The following SV2C variants were observed in gnomAD, a reference collection of about 807,000 sequenced individuals.
SV2C encodes the protein synaptic vesicle glycoprotein 2C.
Under a neutral mutation model 79.7 loss-of-function variants are expected in SV2C, and 49 were observed. The ratio of observed to expected loss-of-function variants is 0.61; its 90% CI spans 0.49 to 0.78. SV2C has a LOEUF of 0.78. Ranked by LOEUF, SV2C falls within the 30% of genes least tolerant of loss-of-function variation. The probability of loss-of-function intolerance (pLI) is 0.00; values close to 1 mark genes in which losing one functional copy is unlikely to be tolerated. For missense variants in SV2C, 833 were observed against 912.9 expected, an observed-to-expected ratio of 0.91 and a Z score of 1.13; for synonymous variants, 334 against 333.2, an observed-to-expected ratio of 1.00 and a Z score of -0.03.
intron 4 of SV2C, among the ~76,000 whole-genome samples, chr5:76,248,644 G>A (rs967956542): frequency 1.2e-4 from 17 of 146,912 alleles, no homozygotes; most frequent in African/African-American, 1.8e-4. Context: ...TTTTTGAGAC[G>A]GCCTTGCTCT....
the SV2C span, chr5:75,921,416 T>C: frequency 9.9e-6 from 8 of 807,664 alleles, no homozygotes; most frequent in Non-Finnish European, 1.8e-5. Context: ...GGGAAGCTCA[T>C]ATTGCGTCTG....
At chr5:75,908,436 G>A in the SV2C span, among the ~76,000 whole-genome samples, 1 of 152,190 alleles carries the variant, frequency 6.6e-6, no homozygotes. Flanking sequence ...TTATAGAGAT[G>A]TGCCAAATTT....
the SV2C span, chr5:76,075,718 G>T: frequency 2.8e-6 from 1 of 358,148 alleles, no homozygotes; most frequent in South Asian, 2.4e-5. Context: ...TAGAAAGAAG[G>T]GCACAAACTT....
the SV2C span, among the ~76,000 whole-genome samples, chr5:75,946,768 T>C: frequency 1.1e-4 from 17 of 152,018 alleles, no homozygotes; most frequent in East Asian, 5.8e-4. Context: ...GGGGGTAGGG[T>C]TTGACTACAA....
At chr5:76,109,254 A>G (rs1748022182) in intron 1 of SV2C, among the ~76,000 whole-genome samples, 1 of 152,162 alleles carries the variant, frequency 6.6e-6, no homozygotes, top group Admixed American at 6.5e-5. Context: ...TTCTAGTCTA[A>G]TATCAGAAGA....
At chr5:76,228,101 C>T (rs981730758) in intron 4 of SV2C, among the ~76,000 whole-genome samples, 1 of 152,070 alleles carries the variant, frequency 6.6e-6, no homozygotes, top group East Asian at 1.9e-4. Flanking sequence ...CTGTGACTCA[C>T]ATTTTTTTCT....
the SV2C span, among the ~76,000 whole-genome samples, chr5:75,866,665 A>T: frequency 6.6e-6 from 1 of 152,226 alleles, no homozygotes; most frequent in Non-Finnish European, 1.5e-5. Flanking sequence ...CCAGAATCCA[A>T]ACCAGGTAAC....
the SV2C span, among the ~76,000 whole-genome samples, chr5:75,968,873 T>G: frequency 6.6e-6 from 1 of 152,012 alleles, no homozygotes; most frequent in Admixed American, 6.6e-5. Flanking sequence ...CACATAATTG[T>G]CAGATTCACC....
chr5:75,933,190 G>A, the SV2C span, among the ~76,000 whole-genome samples: 339 of 152,060 alleles, frequency 2.2e-3, no homozygotes, highest in African/African-American at 7.7e-3. Context: ...CCCTACCCCC[G>A]CATCATCACC....
rs1749167766 is a variant in SV2C at position 76,330,910 on chromosome 5, G to A, written c.*5363G>A. ...CTCGCTCTATTACTTAGGCCGGAGT[G>A]CAGTGGTGCAATCTCGGCTCAATGC... On this transcript the variant is annotated 3_prime_UTR_variant, in exon 13 of 13. Transcript: ENST00000502798. 2 of 151,628 alleles carry A rather than the reference G, an allele frequency of 1.3e-5. No individual in the cohort carries two copies. The highest frequency in any genetic ancestry group is 1.3e-4 in the Admixed American group (2 of 15,222). 9.4% of individuals were successfully genotyped at this position (151,628 alleles called of 1,614,324 possible). A position where few individuals can be genotyped will look rare whatever the true frequency, so the allele number is the denominator to read the frequency against.
intron 9 of SV2C, among the ~76,000 whole-genome samples, chr5:76,296,632 G>A (rs964106174): frequency 6.6e-6 from 1 of 152,188 alleles, no homozygotes; most frequent in Non-Finnish European, 1.5e-5. Context: ...ATAATTGCCA[G>A]TGTAAGTTCA....
intron 6 of SV2C, among the ~76,000 whole-genome samples, chr5:76,287,940 C>G (rs1446480983): frequency 6.6e-6 from 1 of 152,148 alleles, no homozygotes; most frequent in Non-Finnish European, 1.5e-5. Flanking sequence ...CAAAAATCAG[C>G]TGGGTGTGAT....
chr5:76,173,303 T>G (rs1743388697), intron 2 of SV2C, among the ~76,000 whole-genome samples: 1 of 151,518 alleles, frequency 6.6e-6, no homozygotes, highest in African/African-American at 2.4e-5. Context: ...GTATGGGGCA[T>G]GTTAAAGTAT....
At chr5:75,849,341 C>G in the SV2C span, among the ~76,000 whole-genome samples, 1 of 152,246 alleles carries the variant, frequency 6.6e-6, no homozygotes, top group East Asian at 1.9e-4. Flanking sequence ...GTGAGATAAA[C>G]AGAACTCAAT....
chr5:76,006,213 GA>G, the SV2C span, among the ~76,000 whole-genome samples: 920 of 152,204 alleles, frequency 6.0e-3, 3 homozygotes, highest in Middle Eastern at 0.014. Flanking sequence ...GCTTCTTCTA[GA>G]AACTCTGACC....
chr5:75,966,634 G>A, the SV2C span, among the ~76,000 whole-genome samples: 1 of 152,138 alleles, frequency 6.6e-6, no homozygotes, highest in African/African-American at 2.4e-5. Context: ...TTAAAAGTGG[G>A]TATAAATCCT....
the SV2C span, among the ~76,000 whole-genome samples, chr5:75,970,812 T>G: frequency 6.6e-6 from 1 of 152,124 alleles, no homozygotes; most frequent in Non-Finnish European, 1.5e-5. Flanking sequence ...GAATCCTCCC[T>G]AACTCATTTT....
At chr5:76,286,999 A>G (rs1240526704) in intron 6 of SV2C, among the ~76,000 whole-genome samples, 1 of 152,224 alleles carries the variant, frequency 6.6e-6, no homozygotes, top group Admixed American at 6.5e-5. Context: ...GCCAAACCAT[A>G]TCACCTGACA....
intron 4 of SV2C, among the ~76,000 whole-genome samples, chr5:76,277,571 C>T (rs759069650): frequency 2.6e-5 from 4 of 152,102 alleles, no homozygotes; most frequent in Non-Finnish European, 5.9e-5. Context: ...CCCAGGAGTT[C>T]AAGACCAGTC....
Sources: gnomAD v4.1 joint callset for allele counts (sites outside exome capture counted in the v4.1 genomes callset) on GRCh38, gnomAD v4.1.1 for gene constraint, MANE v1.5 for transcripts, NCBI Gene and HGNC (gene_info 2026-07-23, HGNC 2026-07-21) for gene names.